Variants in GALNT14 observed in about 807,000 individuals in gnomAD.
GALNT14 encodes the protein polypeptide N-acetylgalactosaminyltransferase 14, also known as UDP-GalNAc:polypeptide N-acetylgalactosaminyltransferase 14.
In GALNT14, 60 loss-of-function variants were observed where a neutral mutation model predicts 77.5. The ratio of observed to expected loss-of-function variants is 0.77; its 90% CI spans 0.63 to 0.96. The LOEUF (loss-of-function observed/expected upper bound fraction) is 0.96. Among genes scored for constraint, GALNT14 ranks in the 40% least tolerant of loss-of-function variants. GALNT14 has a pLI of 0.00. For missense variants in GALNT14, 710 were observed against 731.0 expected (o/e 0.97, Z 0.33); for synonymous variants, 280 against 281.7 (o/e 0.99, Z 0.06).
At chr2:30,981,675 C>T (rs1056412434) in intron 2 of GALNT14, among the ~76,000 whole-genome samples, 8 of 152,134 alleles carry the variant, frequency 5.3e-5, no homozygotes, top group South Asian at 2.1e-4. Flanking sequence ...GCACCACTGC[C>T]GAGCAGGAGG....
chr2:31,029,999 A>T (rs1476023161), intron 1 of GALNT14, among the ~76,000 whole-genome samples: 1 of 152,256 alleles, frequency 6.6e-6, no homozygotes, highest in Non-Finnish European at 1.5e-5. Context: ...GCGCAGGCAC[A>T]GAACATCATT....
chr2:30,935,967 A>G (rs1666031782), intron 9 of GALNT14, among the ~76,000 whole-genome samples: 1 of 152,100 alleles, frequency 6.6e-6, no homozygotes, highest in Non-Finnish European at 1.5e-5. Context: ...AACAAAAAAG[A>G]ATTGTGTAGA....
chr2:30,989,212 T>C (rs978654557), intron 2 of GALNT14, among the ~76,000 whole-genome samples: 29 of 152,048 alleles, frequency 1.9e-4, no homozygotes, highest in African/African-American at 7.0e-4. Context: ...GATTGAGAAA[T>C]GCTATGACCG....
At chr2:31,017,110 T>C (rs1466886638) in intron 1 of GALNT14, among the ~76,000 whole-genome samples, 1 of 152,256 alleles carries the variant, frequency 6.6e-6, no homozygotes, top group Non-Finnish European at 1.5e-5. Context: ...CCATGCTCTT[T>C]CTGTTAATGC....
At chr2:30,901,327 T>C in the GALNT14 span, among the ~76,000 whole-genome samples, 388 of 152,156 alleles carry the variant, frequency 2.6e-3, 1 homozygote, top group African/African-American at 8.9e-3. Flanking sequence ...GCCACCCATA[T>C]TGAGCTCAGT....
Position 30,989,577 on chromosome 2 carries a change from TATATAAAA to T in GALNT14, c.299+3253_299+3260del, listed in dbSNP as rs1483419229. Reference sequence around the variant, plus strand: ...TAAATACCTTATATATATATATATATATATAAAAATATATATATTAGTAGATATATAAA... The same window carrying T: ...TAAATACCTTATATATATATATATATATATATATATTAGTAGATATATAAA... On this transcript the variant is annotated intron_variant, in intron 2 of 14. Coordinates refer to ENST00000349752, the MANE Select transcript of GALNT14 (RefSeq NM_024572.4). 4.2e-3 allele frequency among the ~76,000 whole-genome samples: 541 copies of T among 128,008 alleles called. 16 individuals carry two copies. Among genetic ancestry groups the T allele is most frequent in the African/African-American group, 0.018 (517 of 29,204 alleles). The allele number at this position is 128,008 out of a possible 152,430, so 84.0% of individuals were successfully genotyped here.
rs759410957 is a variant in GALNT14 at position 30,929,476 on chromosome 2, C to T, written c.1070G>A (p.Arg357Gln). The change falls in exon 11 of 15, where the codon CGG becomes CAG. Residue 357 changes from arginine to glutamine, a missense_variant. Transcript: ENST00000349752. The part of the protein sequence containing the change: ...NANTYIKNTK[R>Q]TAEVWMDEYK... ...TTCATCCATCCACACTTCAGCTGTC[C>T]GCTTGGTGTTCCTGGGAAAACAAGG... 55 of 1,613,702 alleles carry T rather than the reference C, an allele frequency of 3.4e-5. No homozygotes were observed. The highest frequency in any genetic ancestry group is 4.5e-5 in the Non-Finnish European group (53 of 1,179,812).
chr2:30,907,812 T>G (rs1412936322), downstream of GALNT14, among the ~76,000 whole-genome samples: 2 of 148,160 alleles, frequency 1.3e-5, no homozygotes, highest in African/African-American at 5.0e-5. Context: ...AAATCCTCAA[T>G]AAAATACTGA....
intron 1 of GALNT14, among the ~76,000 whole-genome samples, chr2:31,062,399 T>G (rs1674658263): frequency 6.6e-6 from 1 of 152,260 alleles, no homozygotes; most frequent in African/African-American, 2.4e-5. Flanking sequence ...GCTTATTCTT[T>G]TTTATGGCTT....
intron 1 of GALNT14, among the ~76,000 whole-genome samples, chr2:31,095,414 A>G (rs1229947229): frequency 6.6e-6 from 1 of 152,138 alleles, no homozygotes; most frequent in Middle Eastern, 3.2e-3. Flanking sequence ...CTGGACACAC[A>G]AGAAATCATC....
chr2:30,980,701 C>T (rs1221456210), intron 2 of GALNT14, among the ~76,000 whole-genome samples: 2 of 152,224 alleles, frequency 1.3e-5, no homozygotes, highest in African/African-American at 4.8e-5. Context: ...GCTTCCTTCT[C>T]TGTGAAATGG....
At chr2:31,052,305 C>G (rs185061535) in intron 1 of GALNT14, among the ~76,000 whole-genome samples, 25 of 152,316 alleles carry the variant, frequency 1.6e-4, no homozygotes, top group Admixed American at 3.9e-4. Flanking sequence ...CCCCGCTCTA[C>G]AAAGCACAGA....
intron 13 of GALNT14, among the ~76,000 whole-genome samples, chr2:30,913,570 G>A (rs549577821): frequency 2.1e-4 from 32 of 152,250 alleles, no homozygotes; most frequent in East Asian, 5.8e-4. Flanking sequence ...TGGGTGGTTC[G>A]GAGGAACCAC....
At chr2:30,922,988 T>C (rs1042600808) in intron 13 of GALNT14, among the ~76,000 whole-genome samples, 8 of 151,182 alleles carry the variant, frequency 5.3e-5, no homozygotes, top group African/African-American at 1.7e-4. Context: ...GGAACCTTGA[T>C]GAATACCCGC....
intron 1 of GALNT14, among the ~76,000 whole-genome samples, chr2:31,100,747 T>C (rs1282106878): frequency 1.3e-5 from 2 of 151,912 alleles, no homozygotes; most frequent in African/African-American, 4.8e-5. Flanking sequence ...CCTAGACTTA[T>C]GGTAGAGTTA....
chr2:31,027,886 CTGTG>C (rs10562223), intron 1 of GALNT14, among the ~76,000 whole-genome samples: 270 of 141,846 alleles, frequency 1.9e-3, no homozygotes, highest in East Asian at 4.6e-3. Context: ...CAGATGTATT[CTGTG>C]TGTGTGTGTG....
At chr2:31,005,131 A>T (rs1270669427) in intron 1 of GALNT14, among the ~76,000 whole-genome samples, 1 of 152,254 alleles carries the variant, frequency 6.6e-6, no homozygotes, top group East Asian at 1.9e-4. Flanking sequence ...ACGGAAAAGA[A>T]GGGAAGAATC....
At chr2:30,965,213 A>C (rs541029665) in intron 3 of GALNT14, among the ~76,000 whole-genome samples, 1 of 147,476 alleles carries the variant, frequency 6.8e-6, no homozygotes, top group African/African-American at 2.5e-5. Flanking sequence ...AAGGCCTGGA[A>C]TCCTGCCTCA....
chr2:31,066,252 C>A (rs1674953966), intron 1 of GALNT14, among the ~76,000 whole-genome samples: 1 of 152,176 alleles, frequency 6.6e-6, no homozygotes, highest in African/African-American at 2.4e-5. Flanking sequence ...GAGGCCAGGG[C>A]ATTACCATTA....
Sources: allele counts gnomAD v4.1 joint callset (sites outside exome capture counted in the v4.1 genomes callset), GRCh38; gene constraint gnomAD v4.1.1; transcripts MANE v1.5; gene names NCBI Gene and HGNC (gene_info 2026-07-23, HGNC 2026-07-21).